CNTNAP3B: variants seen among roughly 807,000 people sequenced by gnomAD.
The protein encoded by CNTNAP3B is contactin-associated protein-like 3B.
In CNTNAP3B, 25 loss-of-function variants were observed where a neutral mutation model predicts 108.9. The ratio of observed to expected loss-of-function variants is 0.23; its 90% CI spans 0.17 to 0.32. The LOEUF (loss-of-function observed/expected upper bound fraction) is 0.32. Among genes scored for constraint, CNTNAP3B ranks in the 10% least tolerant of loss-of-function variants. The pLI is 1.00. For missense variants in CNTNAP3B, 252 were observed against 1,210.4 expected, an observed-to-expected ratio of 0.21 and a Z score of 11.75; for synonymous variants, 103 against 473.4, an observed-to-expected ratio of 0.22 and a Z score of 10.16.
chr9:41,924,658 C>T (rs953447552), intron 15 of CNTNAP3B, among the ~76,000 whole-genome samples: 211 of 73,636 alleles, frequency 2.9e-3, no homozygotes, highest in South Asian at 0.025. Flanking sequence ...CACACACACA[C>T]ACACACACAC....
chr9:41,934,100 C>CATATATATGT (rs1314834829), intron 14 of CNTNAP3B, among the ~76,000 whole-genome samples: 1 of 90,224 alleles, frequency 1.1e-5, no homozygotes, highest in African/African-American at 4.2e-5. Flanking sequence ...ATATTTGTTA[C>CATATATATGT]ATATATATAT....
chr9:41,929,956 A>G (rs1180597095), intron 14 of CNTNAP3B, among the ~76,000 whole-genome samples: 2 of 152,158 alleles, frequency 1.3e-5, no homozygotes, highest in Non-Finnish European at 2.9e-5. Flanking sequence ...AGAAGGGGAA[A>G]AATCAAGAAG....
chr9:42,003,945 A>G (rs1031086850), intron 4 of CNTNAP3B, among the ~76,000 whole-genome samples: 1 of 142,056 alleles, frequency 7.0e-6, no homozygotes, highest in Non-Finnish European at 1.5e-5. Flanking sequence ...CAACAGAGAG[A>G]GACTCCCTCT....
chr9:41,980,723 G>A (rs550000085), intron 9 of CNTNAP3B: 30 of 147,398 alleles, frequency 2.0e-4, no homozygotes, highest in African/African-American at 7.7e-4. Flanking sequence ...CAACAAATGA[G>A]GCATTGGAGG....
chr9:42,084,520 GA>G (rs1376797558), intron 2 of CNTNAP3B, among the ~76,000 whole-genome samples: 2 of 56,288 alleles, frequency 3.6e-5, no homozygotes, highest in Non-Finnish European at 6.7e-5. Context: ...GAAATGCTGA[GA>G]AGTGAATATT....
chr9:42,075,706 T>C (rs1159454859), intron 3 of CNTNAP3B, among the ~76,000 whole-genome samples: 434 of 126,522 alleles, frequency 3.4e-3, no homozygotes, highest in Non-Finnish European at 5.3e-3. Flanking sequence ...CGATGCAGAC[T>C]CTATATGAGT....
At chr9:41,927,462 G>A (rs1429130234) in intron 15 of CNTNAP3B, among the ~76,000 whole-genome samples, 2 of 151,454 alleles carry the variant, frequency 1.3e-5, no homozygotes, top group Non-Finnish European at 2.9e-5. Flanking sequence ...AAGAGAGGGA[G>A]GGAGGGAGTG....
intron 13 of CNTNAP3B, among the ~76,000 whole-genome samples, chr9:41,944,229 C>G (rs1297704817): frequency 2.7e-5 from 4 of 147,828 alleles, no homozygotes; most frequent in Non-Finnish European, 4.5e-5. Flanking sequence ...AGGTCAAAAA[C>G]ACAGAAATAC....
intron 9 of CNTNAP3B, chr9:41,974,368 C>G: frequency 6.4e-6 from 2 of 314,298 alleles, no homozygotes; most frequent in Non-Finnish European, 1.1e-5. Context: ...AAAAGATGCC[C>G]CCATACGATG....
intron 15 of CNTNAP3B, among the ~76,000 whole-genome samples, chr9:41,927,648 T>C (rs1246082222): frequency 6.6e-6 from 1 of 151,052 alleles, no homozygotes; most frequent in Admixed American, 6.6e-5. Context: ...TTTCACACTA[T>C]GGGAATAATA....
At chr9:41,968,189 A>T (rs1261623767) in intron 10 of CNTNAP3B, among the ~76,000 whole-genome samples, 1 of 151,406 alleles carries the variant, frequency 6.6e-6, no homozygotes, top group African/African-American at 2.4e-5. Flanking sequence ...ATATTTTGTG[A>T]GTAATTAACA....
intron 13 of CNTNAP3B, among the ~76,000 whole-genome samples, chr9:41,938,965 C>G (rs1407128908): frequency 6.6e-6 from 1 of 152,256 alleles, no homozygotes; most frequent in East Asian, 1.9e-4. Context: ...ATAGGCTTTT[C>G]TCATCTCTGA....
chr9:42,112,457 C>T lies in CNTNAP3B; in HGVS notation c.86-7718G>A, dbSNP rs1181284458. ...ACTCCTGAGAAAGGAGCCTTGCCTG[C>T]TGACTGATGATTCTGGGGTGAGGAA... is the stretch of plus-strand genomic sequence containing the variant. On this transcript the variant is annotated intron_variant, in intron 1 of 23. Transcript: ENST00000377561. Among the ~76,000 whole-genome samples, 2 of 139,012 alleles carry T rather than the reference C, an allele frequency of 1.4e-5. 1 individual carries two copies. The allele number at this position is 139,012 out of a possible 152,430, so 91.2% of individuals were successfully genotyped here. A position where few individuals can be genotyped will look rare whatever the true frequency, so the allele number is the denominator to read the frequency against.
intron 12 of CNTNAP3B, among the ~76,000 whole-genome samples, chr9:41,954,200 A>G (rs1423246918): frequency 6.6e-6 from 1 of 152,270 alleles, no homozygotes; most frequent in Non-Finnish European, 1.5e-5. Context: ...TTACATAAAA[A>G]TTTTCCGAAC....
At chr9:41,957,737 C>G (rs1164856147) in intron 12 of CNTNAP3B, among the ~76,000 whole-genome samples, 3 of 152,366 alleles carry the variant, frequency 2.0e-5, no homozygotes, top group African/African-American at 7.2e-5. Context: ...ATATCTGACT[C>G]TGGTTTTTGT....
intron 1 of CNTNAP3B, among the ~76,000 whole-genome samples, chr9:42,112,901 G>A (rs150066801): frequency 0.013 from 1,337 of 104,428 alleles, 174 homozygotes; most frequent in Non-Finnish European, 0.019. Flanking sequence ...ACGGAGCCTC[G>A]CCCTGTCGCC....
intron 3 of CNTNAP3B, among the ~76,000 whole-genome samples, chr9:42,035,813 A>G (rs1472929339): frequency 4.7e-5 from 7 of 148,600 alleles, no homozygotes; most frequent in African/African-American, 1.8e-4. Flanking sequence ...GTGTGCCACT[A>G]TGCCCAGCTA....
intron 3 of CNTNAP3B, among the ~76,000 whole-genome samples, chr9:42,063,724 C>A (rs115391485): frequency 0.014 from 1,945 of 136,890 alleles, 366 homozygotes; most frequent in African/African-American, 0.04. Context: ...TCCTCTCTCT[C>A]TATATCTCTT....
At position 42,026,875 on chromosome 9, in the gene CNTNAP3B, G is replaced by A. The variant is rs937839300; in HGVS notation, c.391-13350C>T. Among the ~76,000 whole-genome samples, 8 of 129,842 alleles carry A rather than the reference G, an allele frequency of 6.2e-5. 2 individuals carry two copies. The highest frequency in any genetic ancestry group is 1.3e-4 in the Non-Finnish European group (8 of 62,400). The allele number at this position is 129,842 out of a possible 152,430, so 85.2% of individuals were successfully genotyped here. On this transcript the variant is annotated intron_variant, in intron 3 of 23. Transcript: ENST00000377561. ...CCTGCTGAGCCAAAGTAGATAATGG[G>A]AGACTTTTAAGCAAACAGTCGGGGT... is the stretch of plus-strand genomic sequence containing the variant.
Sources: allele counts gnomAD v4.1 joint callset (sites outside exome capture counted in the v4.1 genomes callset), GRCh38; gene constraint gnomAD v4.1.1; transcripts MANE v1.5; gene names NCBI Gene and HGNC (gene_info 2026-07-23, HGNC 2026-07-21).